IL1RAPL2: variants seen among roughly 807,000 people sequenced by gnomAD.
IL1RAPL2 encodes the protein X-linked interleukin-1 receptor accessory protein-like 2.
IL1RAPL2 carries 3 observed loss-of-function variants against 44.1 expected under a neutral mutation model. The observed-to-expected ratio is 0.07, with a 90% confidence interval of 0.03 to 0.18. The LOEUF is 0.18. Ranked by LOEUF, IL1RAPL2 falls within the 10% of genes least tolerant of loss-of-function variation. The pLI is 1.00. For synonymous variants in IL1RAPL2, 181 were observed against 178.8 expected, an observed-to-expected ratio of 1.01 and a Z score of -0.10; for missense variants, 391 against 496.4, an observed-to-expected ratio of 0.79 and a Z score of 2.02.
intron 2 of IL1RAPL2, among the ~76,000 whole-genome samples, chrX:104,752,630 C>A (rs897408615): frequency 1.8e-5 from 2 of 110,219 alleles, no homozygotes; most frequent in African/African-American, 6.6e-5. Context: ...AAGTATAGTT[C>A]TTTCTAGGTA....
intron 2 of IL1RAPL2, among the ~76,000 whole-genome samples, chrX:105,041,509 A>G (rs1484474028): frequency 9.1e-6 from 1 of 110,236 alleles, no homozygotes; most frequent in Non-Finnish European, 1.9e-5. Context: ...CATGTGTGGG[A>G]GTCTACCAAG....
intron 5 of IL1RAPL2, among the ~76,000 whole-genome samples, chrX:105,315,374 C>A (rs773480489): frequency 9.5e-6 from 1 of 105,238 alleles, no homozygotes; most frequent in Non-Finnish European, 2.0e-5. Context: ...ATATTTATTA[C>A]CTTTTTTTAA....
At chrX:105,490,221 G>A (rs2036306375) in intron 6 of IL1RAPL2, among the ~76,000 whole-genome samples, 1 of 111,628 alleles carries the variant, frequency 9.0e-6, no homozygotes, top group African/African-American at 3.3e-5. Flanking sequence ...CTCTTTCTGT[G>A]TGAATCAAAA....
chrX:105,624,563 A>ATAAG (rs1690672462), intron 6 of IL1RAPL2, among the ~76,000 whole-genome samples: 1 of 111,706 alleles, frequency 9.0e-6, no homozygotes, highest in African/African-American at 3.3e-5. Context: ...TCATCTATAC[A>ATAAG]TAAGTATTGA....
At chrX:105,370,623 A>G (rs2035331465) in intron 5 of IL1RAPL2, among the ~76,000 whole-genome samples, 1 of 112,133 alleles carries the variant, frequency 8.9e-6, no homozygotes, top group Non-Finnish European at 1.9e-5. Flanking sequence ...TACCTAGTCT[A>G]CCATTGATAG....
intron 6 of IL1RAPL2, among the ~76,000 whole-genome samples, chrX:105,505,545 G>T (rs907163106): frequency 1.8e-5 from 2 of 111,040 alleles, no homozygotes; most frequent in Non-Finnish European, 3.8e-5. Context: ...AGGCAGAATA[G>T]CATATATTAA....
intron 2 of IL1RAPL2, among the ~76,000 whole-genome samples, chrX:104,949,936 T>C (rs1157246843): frequency 8.1e-5 from 9 of 111,271 alleles, no homozygotes; most frequent in African/African-American, 2.6e-4. Context: ...CTATTAGGTC[T>C]GCTTGGTGCA....
chrX:104,846,698 T>C (rs1198119907), intron 2 of IL1RAPL2, among the ~76,000 whole-genome samples: 2 of 112,179 alleles, frequency 1.8e-5, no homozygotes, highest in Non-Finnish European at 3.8e-5. Context: ...TTATAATCCT[T>C]TGGGTATATA....
At chrX:105,590,853 G>T (rs1423401047) in intron 6 of IL1RAPL2, among the ~76,000 whole-genome samples, 18 of 100,922 alleles carry the variant, frequency 1.8e-4, no homozygotes, top group African/African-American at 7.2e-4. Flanking sequence ...GTGTGTTTGT[G>T]TGTGTTTGTG....
intron 1 of IL1RAPL2, among the ~76,000 whole-genome samples, chrX:104,585,291 AT>A (rs1260219214): frequency 1.5e-4 from 2 of 13,586 alleles, no homozygotes; most frequent in Non-Finnish European, 2.1e-4. Context: ...TATATAATAT[AT>A]TATATATTAT....
intron 2 of IL1RAPL2, among the ~76,000 whole-genome samples, chrX:105,032,813 G>A (rs1055339934): frequency 1.8e-5 from 2 of 111,254 alleles, no homozygotes; most frequent in Non-Finnish European, 3.8e-5. Context: ...TCTGTCTAAT[G>A]TTGACAGTGG....
intron 2 of IL1RAPL2, among the ~76,000 whole-genome samples, chrX:104,962,079 G>A (rs909180199): frequency 6.3e-5 from 7 of 111,239 alleles, no homozygotes; most frequent in African/African-American, 2.3e-4. Flanking sequence ...AGGCTAAAAT[G>A]TTTCCAAGGT....
At chrX:105,417,755 T>C (rs1403761934) in intron 5 of IL1RAPL2, among the ~76,000 whole-genome samples, 1 of 111,880 alleles carries the variant, frequency 8.9e-6, no homozygotes, top group African/African-American at 3.2e-5. Context: ...TCTAGTCTGT[T>C]AGAAAGGATC....
intron 2 of IL1RAPL2, among the ~76,000 whole-genome samples, chrX:104,893,292 A>G (rs1923523030): frequency 8.9e-6 from 1 of 111,994 alleles, no homozygotes; most frequent in South Asian, 3.7e-4. Context: ...AGAGTTCTGT[A>G]GATGTCTATT....
chrX:105,711,124 T>A (rs1198338766), intron 6 of IL1RAPL2, among the ~76,000 whole-genome samples: 1 of 110,156 alleles, frequency 9.1e-6, no homozygotes. Flanking sequence ...TTTTTCCTTC[T>A]TAACATATAG....
chrX:104,761,702 G>A (rs1287087424), intron 2 of IL1RAPL2, among the ~76,000 whole-genome samples: 10 of 111,375 alleles, frequency 9.0e-5, no homozygotes, highest in Admixed American at 1.9e-4. Context: ...GGGTACAGGC[G>A]TTAGATAAAT....
intron 4 of IL1RAPL2, among the ~76,000 whole-genome samples, chrX:105,234,794 C>T (rs981086335): frequency 2.2e-5 from 2 of 92,027 alleles, no homozygotes; most frequent in Admixed American, 1.2e-4. Context: ...GGCAACAGAG[C>T]GAGACTCCAT....
chrX:104,714,446 C>T (rs12853803), intron 2 of IL1RAPL2, among the ~76,000 whole-genome samples: 1,990 of 110,533 alleles, frequency 0.018, 23 homozygotes, highest in Non-Finnish European at 0.027. Context: ...CTCAGGAGAT[C>T]TGATGGTTTT....
At chrX:104,909,945 C>T (rs993670403) in intron 2 of IL1RAPL2, among the ~76,000 whole-genome samples, 3 of 112,391 alleles carry the variant, frequency 2.7e-5, no homozygotes, top group African/African-American at 6.5e-5. Flanking sequence ...GGCGCCCCTC[C>T]GCCAGCCTCG....
Sources: gnomAD v4.1 joint callset for allele counts (sites outside exome capture counted in the v4.1 genomes callset) on GRCh38, gnomAD v4.1.1 for gene constraint, MANE v1.5 for transcripts, NCBI Gene and HGNC (gene_info 2026-07-23, HGNC 2026-07-21) for gene names.